Variants in GANC observed in about 807,000 individuals in gnomAD.
GANC encodes glucosidase alpha, neutral C.
In GANC, 117 loss-of-function variants were observed where a neutral mutation model predicts 124.2. The ratio of observed to expected loss-of-function variants is 0.94; its 90% confidence interval spans 0.81 to 1.10. The LOEUF is 1.10. Among genes scored for constraint, GANC ranks in the 50% least tolerant of loss-of-function variants. The probability of loss-of-function intolerance (pLI) is 0.00; values close to 1 mark genes in which losing one functional copy is unlikely to be tolerated. For missense variants in GANC, 1,140 were observed against 1,095.0 expected (o/e 1.04, Z -0.58); for synonymous variants, 377 against 376.8 (o/e 1.00, Z -0.01).
rs2052454465 is a variant in GANC, at chr15:42,352,355, C to G, written c.*216C>G. 7.4e-7 allele frequency: 1 copy of G among 1,348,592 alleles called. No homozygotes were observed. Among genetic ancestry groups the G allele is most frequent in the Non-Finnish European group, 9.5e-7 (1 of 1,047,266 alleles). 83.5% of individuals were successfully genotyped at this position (1,348,592 alleles called of 1,614,324 possible). ...TACTAACAATATTCCTTGTATCAAACATCTCCTTTTCTCCCTGATACATAG... is the reference window on the plus strand; with the variant it reads ...TACTAACAATATTCCTTGTATCAAAGATCTCCTTTTCTCCCTGATACATAG... On this transcript the variant is annotated 3_prime_UTR_variant, in exon 24 of 24. Transcript: ENST00000318010.
In GANC at chr15:42,321,946, T is replaced by C. The variant is rs1408927690; in HGVS notation, c.1219T>C (p.Tyr407His). 1 of 1,614,100 alleles carries C rather than the reference T, an allele frequency of 6.2e-7. No homozygotes were observed. Among genetic ancestry groups the C allele is most frequent in the Non-Finnish European group, 8.5e-7 (1 of 1,180,006 alleles). ...LDIEHTEGKR[Y>H]FTWDKNRFPN... ...CATAGAGCACACTGAGGGCAAGAGGTACTTCACCTGGGACAAAAACAGATT... is the reference window on the plus strand; with the variant it reads ...CATAGAGCACACTGAGGGCAAGAGGCACTTCACCTGGGACAAAAACAGATT... Residue 407 changes from tyrosine to histidine, a missense_variant, in exon 11 of 24, where the codon TAC becomes CAC. Transcript: ENST00000318010.
intron 2 of GANC, among the ~76,000 whole-genome samples, chr15:42,277,851 C>T (rs1171777951): frequency 6.6e-6 from 1 of 150,748 alleles, no homozygotes; most frequent in Non-Finnish European, 1.5e-5. Flanking sequence ...ATCCATCCAC[C>T]TCGGCCTCCC....
At chr15:42,331,668 G>A (rs1392201569) in intron 15 of GANC, among the ~76,000 whole-genome samples, 1 of 152,158 alleles carries the variant, frequency 6.6e-6, no homozygotes, top group Non-Finnish European at 1.5e-5. Flanking sequence ...ATGTACAGAG[G>A]TATTCAACAC....
At chr15:42,313,867 T>G (rs2052078537) in intron 10 of GANC, 1 of 569,508 alleles carries the variant, frequency 1.8e-6, no homozygotes, top group Non-Finnish European at 3.1e-6. Context: ...AGTAATCCTC[T>G]GCCTTGCTTC....
intron 6 of GANC, among the ~76,000 whole-genome samples, chr15:42,301,644 C>T (rs778122037): frequency 6.6e-6 from 1 of 152,166 alleles, no homozygotes; most frequent in African/African-American, 2.4e-5. Context: ...TGAAGTTGAC[C>T]TGGGATGCTC....
Position 42,352,072 on chromosome 15 carries a change from C to T in GANC, c.2678C>T (p.Thr893Ile), listed in dbSNP as rs750988101. 5.0e-6 allele frequency: 8 copies of T among 1,614,058 alleles called. No homozygotes were observed. In the South Asian group the frequency reaches 5.5e-5, roughly 11 times the overall value. The change falls in exon 24 of 24, where the codon ACA (threonine) becomes ATA (isoleucine). Residue 893 changes from threonine to isoleucine, a missense_variant. Thr to Ile is a moderately conservative substitution (Grantham distance 89). Coordinates refer to ENST00000318010, the MANE Select transcript of GANC (RefSeq NM_198141.3). ...QPVAFTYCAKTSILSLEKLSL... is the reference protein window; with the variant it reads ...QPVAFTYCAKISILSLEKLSL... Reference sequence around the variant, plus strand: ...GTGGCTTTTACGTATTGTGCCAAAACATCCATCCTGAGCCTGGAGAAGCTC... The same window carrying T: ...GTGGCTTTTACGTATTGTGCCAAAATATCCATCCTGAGCCTGGAGAAGCTC...
Position 42,349,370 on chromosome 15 carries a change from A to T in GANC, c.2419-13A>T. The T allele has an allele frequency of 6.8e-7, 1 of 1,481,254 alleles. No individual in the cohort carries two copies. Among genetic ancestry groups the T allele is most frequent in the Non-Finnish European group, 9.4e-7 (1 of 1,059,086 alleles). 91.8% of individuals were successfully genotyped at this position (1,481,254 alleles called of 1,614,324 possible). On this transcript the variant is annotated splice_polypyrimidine_tract_variant and intron_variant, in intron 21 of 23. Transcript: ENST00000318010. ...CATATAAGCACATTCTGTCTCTGTGATTCATTCTCCAGGGTTCTTCAGTGG... is the reference window on the plus strand; with the variant it reads ...CATATAAGCACATTCTGTCTCTGTGTTTCATTCTCCAGGGTTCTTCAGTGG...
intron 3 of GANC, among the ~76,000 whole-genome samples, chr15:42,284,839 GCT>G (rs2051771676): frequency 6.6e-6 from 1 of 152,086 alleles, no homozygotes; most frequent in South Asian, 2.1e-4. Flanking sequence ...CAAAACACAT[GCT>G]CTCTCACCTC....
rs748996937 is a variant in GANC, at chr15:42,340,773, T to TG, written c.2152+19_2152+20insG. ...ATGCTGGGTGAGCATTTCTGTTTTT[T>TG]TTTTTTTTTTTGAGACGGAGTCTCA... On this transcript the variant is annotated intron_variant, in intron 18 of 23. Transcript: ENST00000318010. 18 of 1,580,382 alleles carry TG rather than the reference T, an allele frequency of 1.1e-5. No individual in the cohort carries two copies. The highest frequency in any genetic ancestry group is 1.5e-5 in the Non-Finnish European group (17 of 1,170,956).
chr15:42,288,729 A>T (rs992746241), intron 4 of GANC, among the ~76,000 whole-genome samples: 6 of 152,084 alleles, frequency 3.9e-5, no homozygotes, highest in African/African-American at 1.2e-4. Flanking sequence ...TTGCTGTGTT[A>T]CCCCAGCTGG....
intron 6 of GANC, among the ~76,000 whole-genome samples, chr15:42,303,244 C>T (rs1406939172): frequency 6.6e-6 from 1 of 152,172 alleles, no homozygotes; most frequent in Admixed American, 6.5e-5. Context: ...AATTTCATAT[C>T]CAGCCAAACT....
chr15:42,310,906 C>T (rs1212131227), intron 10 of GANC, 60 bp downstream of exon 10: 3 of 1,541,704 alleles, frequency 1.9e-6, no homozygotes, highest in Non-Finnish European at 1.8e-6. Flanking sequence ...TCCCATGTGT[C>T]ATCACGGTAA....
chr15:42,309,515 TCA>T (rs945719240), intron 8 of GANC, among the ~76,000 whole-genome samples: 17 of 151,914 alleles, frequency 1.1e-4, no homozygotes, highest in African/African-American at 3.9e-4. Context: ...CGTCAGGCTT[TCA>T]CAGTGTTGGC....
chr15:42,335,639 A>G (rs150491748), intron 15 of GANC, among the ~76,000 whole-genome samples: 1 of 152,326 alleles, frequency 6.6e-6, no homozygotes, highest in East Asian at 1.9e-4. Flanking sequence ...CAAGAGGAAG[A>G]AATAAAGTGC....
In GANC at chr15:42,326,571, G is replaced by A. The variant is rs1466564117; in HGVS notation, c.1420+147G>A. ...TATAATTTAATGAAGAGATAGGTTT[G>A]CCTTCTTTTGTATCTTTTATAATAC... On this transcript the variant is annotated intron_variant, in intron 12 of 23. Coordinates refer to ENST00000318010, the MANE Select transcript of GANC (RefSeq NM_198141.3). 1.9e-5 allele frequency: 25 copies of A among 1,311,722 alleles called. No individual in the cohort carries two copies. The East Asian group carries it at 5.9e-4, about 31-fold the overall frequency. 81.3% of individuals were successfully genotyped at this position (1,311,722 alleles called of 1,614,324 possible).
At chr15:42,309,093 A>G (rs574916421) in intron 8 of GANC, among the ~76,000 whole-genome samples, 1 of 152,292 alleles carries the variant, frequency 6.6e-6, no homozygotes, top group South Asian at 2.1e-4. Flanking sequence ...TCAGGCTAAC[A>G]CTATTGACAA....
rs776196977 is a variant in GANC, at chr15:42,352,159, A to G, written c.*20A>G. ...ATATGACAAAGAACTGCCCCTGGTG[A>G]TGTGAGCAGGGACCTGCCTGCCCCT... On this transcript the variant is annotated 3_prime_UTR_variant, in exon 24 of 24. Coordinates refer to ENST00000318010, the MANE Select transcript of GANC (RefSeq NM_198141.3). 2 of 1,614,036 alleles carry G rather than the reference A, an allele frequency of 1.2e-6. No homozygotes were observed. Among genetic ancestry groups the G allele is most frequent in the Non-Finnish European group, 1.7e-6 (2 of 1,179,956 alleles).
At chr15:42,350,136 G>A (rs1378655034) in intron 22 of GANC, among the ~76,000 whole-genome samples, 2 of 142,484 alleles carry the variant, frequency 1.4e-5, no homozygotes, top group African/African-American at 5.2e-5. Flanking sequence ...GTTCAAGCGA[G>A]TCTCCTGCCT....
intron 10 of GANC, chr15:42,313,928 GACAACAGAGCGAGAC>G: frequency 1.6e-6 from 1 of 609,538 alleles, no homozygotes; most frequent in Admixed American, 2.9e-5. Context: ...CTCCCGCCTA[GACAACAGAGCGAGAC>G]CCTATCTCTA....
Sources: gnomAD v4.1 joint callset for allele counts (sites outside exome capture counted in the v4.1 genomes callset) on GRCh38, gnomAD v4.1.1 for gene constraint, MANE v1.5 for transcripts, NCBI Gene and HGNC (gene_info 2026-07-23, HGNC 2026-07-21) for gene names.